CTNND2: variants seen among roughly 807,000 people sequenced by gnomAD.
CTNND2 encodes catenin delta-2.
CTNND2 carries 22 observed loss-of-function variants against 144.4 expected under a neutral mutation model. The observed-to-expected ratio is 0.15, with a 90% CI of 0.11 to 0.22. The LOEUF (loss-of-function observed/expected upper bound fraction) is 0.22, where lower values mean the gene tolerates loss of function less well. CTNND2 is among the 10% of genes least tolerant of loss of function. CTNND2 has a pLI of 1.00. For synonymous variants in CTNND2, 751 were observed against 695.6 expected (o/e 1.08, Z -1.25); for missense variants, 1,353 against 1,618.8 (o/e 0.84, Z 2.82).
intron 14 of CTNND2, among the ~76,000 whole-genome samples, chr5:11,107,093 T>C (rs1752497671): frequency 6.6e-6 from 1 of 152,210 alleles, no homozygotes; most frequent in Non-Finnish European, 1.5e-5. Flanking sequence ...TTTTGCTGTC[T>C]GATATGGCCT....
intron 9 of CTNND2, among the ~76,000 whole-genome samples, chr5:11,267,663 A>G (rs566466545): frequency 3.3e-5 from 5 of 152,342 alleles, no homozygotes; most frequent in Non-Finnish European, 5.9e-5. Context: ...CACTTTGCAA[A>G]TGTTAGAAAC....
chr5:10,988,571 G>C lies in CTNND2; in HGVS notation c.3212-329C>G, dbSNP rs4702779. 0.14 allele frequency among the ~76,000 whole-genome samples: 20,663 copies of C among 152,128 alleles called. 1,480 individuals are homozygous for C. Among genetic ancestry groups the C allele is most frequent in the East Asian group, 0.16 (843 of 5,162 alleles). On this transcript the variant is annotated intron_variant, in intron 19 of 21. Coordinates refer to ENST00000304623, the MANE Select transcript of CTNND2 (RefSeq NM_001332.4). The surrounding 1 kb of genome is among the most constrained non-coding windows in gnomAD (Gnocchi z 5.9). ...AAGGTGTGTGGGGCAGTTTAGGAATGAGACTGCTTTTGGTTTCTTCCTTTC... is the reference window on the plus strand; with the variant it reads ...AAGGTGTGTGGGGCAGTTTAGGAATCAGACTGCTTTTGGTTTCTTCCTTTC...
chr5:11,196,049 C>T (rs1010782224), intron 11 of CTNND2, among the ~76,000 whole-genome samples: 6 of 152,038 alleles, frequency 3.9e-5, no homozygotes, highest in African/African-American at 9.7e-5. Context: ...CATGTTTATG[C>T]GCTGAATGTA....
chr5:11,604,289 T>C (rs560806614), intron 2 of CTNND2, among the ~76,000 whole-genome samples: 57 of 152,330 alleles, frequency 3.7e-4, no homozygotes, highest in South Asian at 1.2e-3. Context: ...ACAGTTGGCA[T>C]GAAAAATTTA....
intron 3 of CTNND2, among the ~76,000 whole-genome samples, chr5:11,516,627 C>A (rs1021786283): frequency 6.6e-6 from 1 of 151,676 alleles, no homozygotes; most frequent in Non-Finnish European, 1.5e-5. Flanking sequence ...AAAATAAGTG[C>A]AAAATGTATA....
Position 11,127,763 on chromosome 5 carries a change from G to GGTTCACAGACGGA in CTNND2, c.2160-10197_2160-10196insTCCGTCTGTGAAC, listed in dbSNP as rs1481531497. Among the ~76,000 whole-genome samples the GGTTCACAGACGGA allele has an allele frequency of 3.7e-3, 564 of 152,314 alleles. 13 individuals are homozygous for GGTTCACAGACGGA. The highest frequency in any genetic ancestry group is 0.031 in the Admixed American group (476 of 15,296). ...ACAGACGGAGAGAAGTTCTTCCCCA[G>GGTTCACAGACGGA]GAGCTGTACTTAACAGATTACTCAT... On this transcript the variant is annotated intron_variant, in intron 12 of 21. Transcript: ENST00000304623.
At chr5:11,277,243 T>C (rs1423430253) in intron 9 of CTNND2, among the ~76,000 whole-genome samples, 2 of 152,046 alleles carry the variant, frequency 1.3e-5, no homozygotes, top group African/African-American at 2.4e-5. Flanking sequence ...TTAAATATTA[T>C]CTAAGAAAAT....
intron 1 of CTNND2, among the ~76,000 whole-genome samples, chr5:11,781,581 T>C (rs1790543552): frequency 6.6e-6 from 1 of 152,274 alleles, no homozygotes; most frequent in Non-Finnish European, 1.5e-5. Flanking sequence ...ACAACCTCTG[T>C]TAAGACAGGT....
At position 11,750,008 on chromosome 5, in the gene CTNND2, G is replaced by A. The variant is rs1228692271; in HGVS notation, c.38-17736C>T. ...GGTTTTTGCAGGATCCTCTGGGCAA[G>A]TGCTCACACTGAAGCCAGTATTCTG... On this transcript the variant is annotated intron_variant, in intron 1 of 21. Coordinates refer to ENST00000304623, the MANE Select transcript of CTNND2 (RefSeq NM_001332.4). 2.0e-5 allele frequency among the ~76,000 whole-genome samples: 3 copies of A among 151,954 alleles called. No homozygotes were observed. The East Asian group carries it at 5.8e-4, about 29-fold the overall frequency.
chr5:11,461,029 C>A (rs1432509697), intron 3 of CTNND2, among the ~76,000 whole-genome samples: 1 of 151,264 alleles, frequency 6.6e-6, no homozygotes, highest in Non-Finnish European at 1.5e-5. Context: ...GGCGACAGAG[C>A]GAGACTCTGG....
At chr5:11,843,707 T>C (rs1314614894) in intron 1 of CTNND2, among the ~76,000 whole-genome samples, 1 of 152,196 alleles carries the variant, frequency 6.6e-6, no homozygotes, top group Non-Finnish European at 1.5e-5. Flanking sequence ...TAGTTCCACA[T>C]AGTTCACCTT....
intron 20 of CTNND2, chr5:10,986,835 C>T (rs10434650): frequency 0.36 from 121,380 of 340,400 alleles, 22,682 homozygotes; most frequent in African/African-American, 0.49. Flanking sequence ...GGGGTAAATG[C>T]ATTTGCTATT....
At chr5:11,382,595 CTGTGTG>C (rs71582432) in intron 7 of CTNND2, among the ~76,000 whole-genome samples, 16,593 of 129,390 alleles carry the variant, frequency 0.13, 1,064 homozygotes, top group East Asian at 0.21. Flanking sequence ...GAGTGAGACT[CTGTGTG>C]TGTGTGTGTG....
chr5:11,546,907 T>C (rs570575183), intron 3 of CTNND2, among the ~76,000 whole-genome samples: 1 of 152,322 alleles, frequency 6.6e-6, no homozygotes, highest in South Asian at 2.1e-4. Flanking sequence ...TTAGGAGAGC[T>C]ACTTTACGTG....
At chr5:11,241,036 C>T (rs1742374406) in intron 9 of CTNND2, among the ~76,000 whole-genome samples, 1 of 147,906 alleles carries the variant, frequency 6.8e-6, no homozygotes, top group South Asian at 2.2e-4. Context: ...ACACCCACCC[C>T]AACACACATG....
intron 3 of CTNND2, among the ~76,000 whole-genome samples, chr5:11,455,177 A>AT (rs1765627891): frequency 6.6e-6 from 1 of 151,738 alleles, no homozygotes; most frequent in Non-Finnish European, 1.5e-5. Context: ...GATAGTAAAA[A>AT]ACGCCAAGCA....
chr5:11,033,094 T>C (rs369770005), intron 16 of CTNND2, among the ~76,000 whole-genome samples: 1 of 152,250 alleles, frequency 6.6e-6, no homozygotes, highest in East Asian at 1.9e-4. Context: ...TGCAATTTCC[T>C]GTGAATCCAT....
At chr5:11,728,942 G>GA (rs929752419) in intron 2 of CTNND2, among the ~76,000 whole-genome samples, 1 of 151,914 alleles carries the variant, frequency 6.6e-6, no homozygotes, top group South Asian at 2.1e-4. Context: ...TAGACTTGAG[G>GA]AAAAAAATAA....
At chr5:11,414,815 C>A (rs1266882363) in intron 3 of CTNND2, among the ~76,000 whole-genome samples, 2 of 152,180 alleles carry the variant, frequency 1.3e-5, no homozygotes, top group Non-Finnish European at 2.9e-5. Flanking sequence ...AAGTTCTCAT[C>A]ATTTAGCTCC....
Sources: gnomAD v4.1 joint callset for allele counts (sites outside exome capture counted in the v4.1 genomes callset) on GRCh38, gnomAD v4.1.1 for gene constraint, Gnocchi (gnomAD v3.1) non-coding constraint, MANE v1.5 for transcripts, NCBI Gene and HGNC (gene_info 2026-07-23, HGNC 2026-07-21) for gene names.